CPNE8: variants seen among roughly 807,000 people sequenced by gnomAD.
The protein encoded by CPNE8 is copine 8.
Under a neutral mutation model 81.5 loss-of-function variants are expected in CPNE8, and 45 were observed. The ratio of observed to expected loss-of-function variants is 0.55; its 90% CI spans 0.44 to 0.71. CPNE8 has a LOEUF of 0.71. Among genes scored for constraint, CPNE8 ranks in the 30% least tolerant of loss-of-function variants. The probability of loss-of-function intolerance (pLI) is 0.00; values close to 1 mark genes in which losing one functional copy is unlikely to be tolerated. For missense variants in CPNE8, 594 were observed against 672.1 expected, an observed-to-expected ratio of 0.88 and a Z score of 1.28; for synonymous variants, 252 against 226.3, an observed-to-expected ratio of 1.11 and a Z score of -1.02.
At chr12:38,848,126 A>T (rs1322877518) in intron 4 of CPNE8, among the ~76,000 whole-genome samples, 4 of 152,200 alleles carry the variant, frequency 2.6e-5, no homozygotes, top group Non-Finnish European at 4.4e-5. Flanking sequence ...TGACTCGATT[A>T]TCCTGGTCCT....
intron 6 of CPNE8, among the ~76,000 whole-genome samples, chr12:38,813,762 G>C (rs1485495599): frequency 6.6e-6 from 1 of 152,154 alleles, no homozygotes; most frequent in Non-Finnish European, 1.5e-5. Context: ...CCAGAATTCT[G>C]CATAAAATTC....
intron 1 of CPNE8, among the ~76,000 whole-genome samples, chr12:38,884,293 C>T (rs78476226): frequency 0.023 from 3,558 of 152,206 alleles, 134 homozygotes; most frequent in African/African-American, 0.082. Flanking sequence ...TGATCATATA[C>T]AATATGTGCT....
At chr12:38,760,990 T>C (rs538649108) in intron 9 of CPNE8, 102 bp from the exon 10 acceptor site, 37 of 841,606 alleles carry the variant, frequency 4.4e-5, no homozygotes, top group South Asian at 4.3e-4. Flanking sequence ...TAAAACAATG[T>C]ATGCTTGCAG....
intron 13 of CPNE8, among the ~76,000 whole-genome samples, chr12:38,719,215 T>C (rs1201419467): frequency 6.6e-6 from 1 of 152,216 alleles, no homozygotes; most frequent in Non-Finnish European, 1.5e-5. Context: ...AGTTTAGATA[T>C]TTTAAATGAT....
intron 1 of CPNE8, among the ~76,000 whole-genome samples, chr12:38,899,417 G>A (rs1944429666): frequency 6.6e-6 from 1 of 152,092 alleles, no homozygotes; most frequent in Non-Finnish European, 1.5e-5. Flanking sequence ...GACTATGTTG[G>A]CACCCTGATC....
upstream of CPNE8, chr12:38,906,614 G>A (rs1041217086): frequency 3.0e-6 from 3 of 985,402 alleles, no homozygotes; most frequent in African/African-American, 5.2e-5. Context: ...AGGAGTCAGA[G>A]TGAGCGCTGC....
chr12:38,873,961 T>TC (rs1319120922), intron 2 of CPNE8, among the ~76,000 whole-genome samples: 1 of 152,002 alleles, frequency 6.6e-6, no homozygotes, highest in East Asian at 1.9e-4. Context: ...TTCTTTTCTT[T>TC]CTTTTTTTTT....
At position 38,727,923 on chromosome 12, in the gene CPNE8, T is replaced by C. The variant is rs974514979; in HGVS notation, c.798+2360A>G. On this transcript the variant is annotated intron_variant, in intron 11 of 19. Coordinates refer to ENST00000331366, the MANE Select transcript of CPNE8 (RefSeq NM_153634.3). The stretch of plus-strand genomic sequence containing the variant: ...GTGAAAGCTAAGGCAGGACTTTACG[T>C]TGTTGGAGCATATAAGGAGTGCCCA... 4.6e-5 allele frequency among the ~76,000 whole-genome samples: 7 copies of C among 152,210 alleles called. 1 individual carries two copies. In the South Asian group the frequency reaches 1.0e-3, roughly 23 times the overall value.
chr12:38,799,687 C>T (rs778294465), intron 6 of CPNE8, among the ~76,000 whole-genome samples: 2 of 151,864 alleles, frequency 1.3e-5, no homozygotes, highest in African/African-American at 4.8e-5. Context: ...CTCCGGTCTA[C>T]AGCTCCCAGC....
chr12:38,698,630 T>A (rs1027571355), intron 14 of CPNE8, among the ~76,000 whole-genome samples: 2 of 152,194 alleles, frequency 1.3e-5, no homozygotes, highest in Non-Finnish European at 2.9e-5. Flanking sequence ...TATCCAGTTG[T>A]CCCAGCACCA....
At chr12:38,799,797 C>G (rs28840811) in intron 6 of CPNE8, among the ~76,000 whole-genome samples, 1 of 131,650 alleles carries the variant, frequency 7.6e-6, no homozygotes, top group African/African-American at 2.5e-5. Context: ...CCAGTGTGTG[C>G]GCGCACCGTG....
At chr12:38,746,462 A>G (rs1339101413) in intron 10 of CPNE8, among the ~76,000 whole-genome samples, 5 of 152,218 alleles carry the variant, frequency 3.3e-5, no homozygotes, top group Admixed American at 3.3e-4. Flanking sequence ...GTTAGACACC[A>G]TAAGATGATA....
chr12:38,848,441 A>T, intron 4 of CPNE8, 118 bp downstream of exon 4: 4 of 1,395,310 alleles, frequency 2.9e-6, no homozygotes, highest in Non-Finnish European at 1.9e-6. Context: ...GAACAGAATT[A>T]ATCTGGTTTC....
chr12:38,833,833 G>A (rs1482405404), intron 5 of CPNE8, among the ~76,000 whole-genome samples: 1 of 152,156 alleles, frequency 6.6e-6, no homozygotes, highest in Non-Finnish European at 1.5e-5. Flanking sequence ...ACACAGGGCA[G>A]TCAGGTAAGT....
Position 38,652,493 on chromosome 12 carries a change from C to T in CPNE8, c.*1389G>A, listed in dbSNP as rs1938721368. ...TAGTTTCATGCTTATAAAAGTCACCCTAGGTCAACTTGGGACAAAGAAAAC... is the reference window on the plus strand; with the variant it reads ...TAGTTTCATGCTTATAAAAGTCACCTTAGGTCAACTTGGGACAAAGAAAAC... On this transcript the variant is annotated 3_prime_UTR_variant, in exon 20 of 20. Transcript: ENST00000331366. 1 of 152,266 alleles carries T rather than the reference C, an allele frequency of 6.6e-6. No individual in the cohort carries two copies. Among genetic ancestry groups the T allele is most frequent in the Non-Finnish European group, 1.5e-5 (1 of 67,920 alleles). The allele number at this position is 152,266 out of a possible 1,614,324, so 9.4% of individuals were successfully genotyped here.
intron 10 of CPNE8, among the ~76,000 whole-genome samples, chr12:38,750,252 T>C (rs1941325658): frequency 6.6e-6 from 1 of 152,166 alleles, no homozygotes; most frequent in Non-Finnish European, 1.5e-5. Context: ...TGGAAACCCC[T>C]GGGTGCCTAG....
intron 13 of CPNE8, among the ~76,000 whole-genome samples, chr12:38,714,213 A>C (rs1390573385): frequency 1.3e-5 from 2 of 152,146 alleles, no homozygotes; most frequent in East Asian, 3.8e-4. Context: ...GTTCACAAAT[A>C]ATAATAATTG....
At chr12:38,727,310 C>A (rs934555595) in intron 11 of CPNE8, among the ~76,000 whole-genome samples, 2 of 152,104 alleles carry the variant, frequency 1.3e-5, no homozygotes, top group African/African-American at 4.8e-5. Context: ...GCTGTGTAAA[C>A]CAACAGTTTA....
At chr12:38,809,757 T>G (rs1311785430) in intron 6 of CPNE8, among the ~76,000 whole-genome samples, 1 of 152,178 alleles carries the variant, frequency 6.6e-6, no homozygotes, top group Admixed American at 6.6e-5. Context: ...TCTCATCATC[T>G]AAATCCTTTA....
Sources: gnomAD v4.1 joint callset for allele counts (sites outside exome capture counted in the v4.1 genomes callset) on GRCh38, gnomAD v4.1.1 for gene constraint, MANE v1.5 for transcripts, NCBI Gene and HGNC (gene_info 2026-07-23, HGNC 2026-07-21) for gene names.